The following NPAS3 variants were observed in gnomAD, a reference collection of about 807,000 sequenced individuals.
NPAS3 encodes neuronal PAS domain-containing protein 3.
In NPAS3, 14 loss-of-function variants were observed where a neutral mutation model predicts 73.1. The ratio of observed to expected loss-of-function variants is 0.19; its 90% CI spans 0.13 to 0.30. NPAS3 has a LOEUF of 0.30. Ranked by LOEUF, NPAS3 falls within the 10% of genes least tolerant of loss-of-function variation. The pLI is 1.00. For missense variants in NPAS3, 1,096 were observed against 1,250.0 expected, an observed-to-expected ratio of 0.88 and a Z score of 1.86; for synonymous variants, 620 against 541.5, an observed-to-expected ratio of 1.14 and a Z score of -2.01.
chr14:33,673,211 C>A (rs2059661291), intron 5 of NPAS3, among the ~76,000 whole-genome samples: 1 of 152,208 alleles, frequency 6.6e-6, no homozygotes, highest in South Asian at 2.1e-4. Context: ...GAGGTCTCTG[C>A]TTAGCCTCTA....
At chr14:33,228,630 A>C (rs1256538859) in intron 3 of NPAS3, among the ~76,000 whole-genome samples, 2 of 152,108 alleles carry the variant, frequency 1.3e-5, no homozygotes, top group Non-Finnish European at 2.9e-5. Flanking sequence ...TTGAATATTT[A>C]TTATATTGCA....
At chr14:33,166,120 G>A (rs2139345021) in intron 2 of NPAS3, among the ~76,000 whole-genome samples, 1 of 152,272 alleles carries the variant, frequency 6.6e-6, no homozygotes, top group South Asian at 2.1e-4. Context: ...CGGCCTCATA[G>A]GCCTGCGACC....
chr14:33,390,878 G>T (rs1466480234), intron 4 of NPAS3, among the ~76,000 whole-genome samples: 4 of 151,850 alleles, frequency 2.6e-5, no homozygotes, highest in Non-Finnish European at 4.4e-5. Flanking sequence ...ATTAAAATAG[G>T]TGTATCCTGC....
At chr14:33,643,483 G>A (rs1160979358) in intron 5 of NPAS3, among the ~76,000 whole-genome samples, 1 of 151,302 alleles carries the variant, frequency 6.6e-6, no homozygotes, top group Non-Finnish European at 1.5e-5. Context: ...ATTCGGATGT[G>A]TCAAAAAGCA....
chr14:33,094,216 A>G (rs1349626936), intron 2 of NPAS3, among the ~76,000 whole-genome samples: 1 of 152,136 alleles, frequency 6.6e-6, no homozygotes, highest in African/African-American at 2.4e-5. Context: ...TATTCAGATA[A>G]TTTACAACTA....
At chr14:32,940,839 T>C (rs1174924469) in intron 1 of NPAS3, among the ~76,000 whole-genome samples, 1 of 152,216 alleles carries the variant, frequency 6.6e-6, no homozygotes, top group Non-Finnish European at 1.5e-5. Context: ...ATTGTCAGGA[T>C]TAAGGAAATA....
intron 1 of NPAS3, among the ~76,000 whole-genome samples, chr14:33,037,025 A>T (rs950561338): frequency 2.0e-5 from 3 of 152,190 alleles, no homozygotes; most frequent in Admixed American, 6.5e-5. Context: ...TTGTTTGGAA[A>T]TTGAACCACT....
At chr14:33,347,953 A>G (rs1276274158) in intron 3 of NPAS3, among the ~76,000 whole-genome samples, 4 of 152,034 alleles carry the variant, frequency 2.6e-5, no homozygotes, top group South Asian at 4.1e-4. Flanking sequence ...GGCCAACTCT[A>G]TAAGTAAAAG....
At chr14:33,010,281 G>T (rs892952733) in intron 1 of NPAS3, among the ~76,000 whole-genome samples, 21 of 152,278 alleles carry the variant, frequency 1.4e-4, no homozygotes, top group African/African-American at 5.1e-4. Context: ...TAACCAGGGG[G>T]ATAGGTTGTG....
At chr14:33,719,743 C>G (rs2061054083) in intron 6 of NPAS3, among the ~76,000 whole-genome samples, 1 of 152,154 alleles carries the variant, frequency 6.6e-6, no homozygotes. Flanking sequence ...GTCTCAAACT[C>G]ACACTGAGCT....
chr14:33,044,650 G>GT (rs1292703090), intron 1 of NPAS3, among the ~76,000 whole-genome samples: 40 of 139,954 alleles, frequency 2.9e-4, no homozygotes, highest in African/African-American at 8.4e-4. Context: ...GAGTGAGTTA[G>GT]TTTGTTTTTT....
chr14:33,648,104 G>A (rs912051465), intron 5 of NPAS3, among the ~76,000 whole-genome samples: 1 of 152,136 alleles, frequency 6.6e-6, no homozygotes, highest in South Asian at 2.1e-4. Flanking sequence ...TTAGAACTCT[G>A]TAAAGCAGAG....
At chr14:33,410,174 G>C (rs2047859885) in intron 4 of NPAS3, among the ~76,000 whole-genome samples, 1 of 152,174 alleles carries the variant, frequency 6.6e-6, no homozygotes, top group Non-Finnish European at 1.5e-5. Context: ...TCTCTTGAAA[G>C]AGTCTTTCTG....
intron 4 of NPAS3, among the ~76,000 whole-genome samples, chr14:33,521,196 A>G (rs1026552760): frequency 1.3e-5 from 2 of 152,148 alleles, no homozygotes; most frequent in Non-Finnish European, 2.9e-5. Context: ...CACTTAACCT[A>G]CATTAGACCT....
chr14:33,083,024 A>AT (rs1491422841), intron 2 of NPAS3, among the ~76,000 whole-genome samples: 1 of 151,856 alleles, frequency 6.6e-6, no homozygotes, highest in Non-Finnish European at 1.5e-5. Flanking sequence ...CTACAAAAAA[A>AT]CACAAAACAT....
intron 4 of NPAS3, among the ~76,000 whole-genome samples, chr14:33,407,125 G>A (rs1382918124): frequency 1.3e-5 from 2 of 152,104 alleles, no homozygotes; most frequent in East Asian, 3.9e-4. Flanking sequence ...GCTCACTGAA[G>A]CTCTTCAGTA....
rs571212405 is a variant in NPAS3 at position 33,020,428 on chromosome 14, A to G, written c.51-35477A>G. Among the ~76,000 whole-genome samples, 7 of 152,352 alleles carry G rather than the reference A, an allele frequency of 4.6e-5. No individual in the cohort carries two copies. The East Asian group carries it at 1.3e-3, about 29-fold the overall frequency. ...CTGCAAAATGCAAATGTTAACGGTA[A>G]GTACCCAGAGTAATGCAGGGAAAAT... On this transcript the variant is annotated intron_variant, in intron 1 of 11. Transcript: ENST00000356141.
intron 1 of NPAS3, among the ~76,000 whole-genome samples, chr14:33,013,781 T>A (rs1345985060): frequency 6.6e-6 from 1 of 152,170 alleles, no homozygotes; most frequent in Non-Finnish European, 1.5e-5. Context: ...TATTTTGTTT[T>A]TATAAACAAT....
intron 4 of NPAS3, among the ~76,000 whole-genome samples, chr14:33,403,967 T>G (rs550587527): frequency 4.1e-4 from 62 of 152,242 alleles, no homozygotes; most frequent in African/African-American, 1.3e-3. Context: ...CACAAATATA[T>G]GAGAAAAAGC....
Sources: allele counts gnomAD v4.1 joint callset (sites outside exome capture counted in the v4.1 genomes callset), GRCh38; gene constraint gnomAD v4.1.1; transcripts MANE v1.5; gene names NCBI Gene and HGNC (gene_info 2026-07-23, HGNC 2026-07-21).